Variants in CPED1 observed in about 807,000 individuals in gnomAD.
CPED1 encodes the protein cadherin-like and PC-esterase domain-containing protein 1.
Under a neutral mutation model 128.2 loss-of-function variants are expected in CPED1, and 114 were observed. That is an observed-to-expected ratio of 0.89 (90% CI 0.76 to 1.04). The LOEUF is 1.04. CPED1 is among the 50% of genes least tolerant of loss of function. The probability of loss-of-function intolerance (pLI) is 0.00; values close to 1 mark genes in which losing one functional copy is unlikely to be tolerated. For synonymous variants in CPED1, 462 were observed against 426.7 expected, an observed-to-expected ratio of 1.08 and a Z score of -1.02; for missense variants, 1,211 against 1,207.1, an observed-to-expected ratio of 1.00 and a Z score of -0.05.
intron 16 of CPED1, among the ~76,000 whole-genome samples, chr7:121,161,822 C>A (rs533583025): frequency 1.3e-5 from 2 of 152,170 alleles, no homozygotes; most frequent in East Asian, 1.9e-4. Context: ...TGAAGGGAAC[C>A]AGATCCATTA....
At chr7:121,145,148 T>C (rs1795995379) in intron 16 of CPED1, among the ~76,000 whole-genome samples, 1 of 151,902 alleles carries the variant, frequency 6.6e-6, no homozygotes, top group Middle Eastern at 3.2e-3. Flanking sequence ...TGTATATATA[T>C]ATATAAATTA....
At chr7:121,282,646 C>T (rs535942938) in intron 22 of CPED1, among the ~76,000 whole-genome samples, 74 of 152,322 alleles carry the variant, frequency 4.9e-4, no homozygotes, top group Non-Finnish European at 7.3e-4. Context: ...CTGAATTTTA[C>T]ACATACGTTC....
intron 16 of CPED1, among the ~76,000 whole-genome samples, chr7:121,190,105 TAAAC>T (rs1797101471): frequency 1.3e-5 from 2 of 151,726 alleles, no homozygotes; most frequent in South Asian, 2.1e-4. Context: ...GAAGAAAAAT[TAAAC>T]AAGATAAAAA....
intron 5 of CPED1, among the ~76,000 whole-genome samples, chr7:121,069,936 G>A (rs566078026): frequency 7.9e-5 from 12 of 152,086 alleles, no homozygotes; most frequent in African/African-American, 2.6e-4. Context: ...ATTCATTCCA[G>A]TAGTTTTATC....
intron 1 of CPED1, 90 bp from the exon 2 acceptor site, chr7:120,989,301 G>GCATT (rs1796270625): frequency 3.4e-5 from 11 of 321,334 alleles, no homozygotes; most frequent in South Asian, 3.4e-4. Context: ...TGAGAATAAG[G>GCATT]CATTGCTGGA....
chr7:121,069,186 A>G (rs577571381), intron 5 of CPED1, among the ~76,000 whole-genome samples: 14 of 152,124 alleles, frequency 9.2e-5, no homozygotes, highest in Non-Finnish European at 1.8e-4. Flanking sequence ...AATATTAAAG[A>G]TAGATAGAGC....
intron 7 of CPED1, among the ~76,000 whole-genome samples, chr7:121,121,775 G>A (rs1021415014): frequency 2.0e-5 from 3 of 152,142 alleles, no homozygotes; most frequent in African/African-American, 7.2e-5. Flanking sequence ...GGTTCTGGTG[G>A]CATTTGAATG....
At chr7:121,259,992 C>T (rs1791972843) in intron 18 of CPED1, among the ~76,000 whole-genome samples, 1 of 151,906 alleles carries the variant, frequency 6.6e-6, no homozygotes. Flanking sequence ...ATGTGAATTC[C>T]ATTATGGTTA....
intron 4 of CPED1, among the ~76,000 whole-genome samples, chr7:121,056,881 C>G (rs1425369998): frequency 6.6e-6 from 1 of 152,202 alleles, no homozygotes; most frequent in East Asian, 1.9e-4. Flanking sequence ...ATATAGGCTA[C>G]TCAAAACCTT....
At chr7:121,146,181 G>T (rs1796020846) in intron 16 of CPED1, among the ~76,000 whole-genome samples, 1 of 152,102 alleles carries the variant, frequency 6.6e-6, no homozygotes, top group Non-Finnish European at 1.5e-5. Context: ...GTCTGGTGAG[G>T]TTCTTCGTGC....
intron 5 of CPED1, among the ~76,000 whole-genome samples, chr7:121,085,889 C>T (rs189483550): frequency 6.6e-6 from 1 of 152,086 alleles, no homozygotes; most frequent in Admixed American, 6.5e-5. Flanking sequence ...AACAATGTCC[C>T]GACTGAGCCT....
At chr7:121,172,088 T>C (rs1273146865) in intron 16 of CPED1, among the ~76,000 whole-genome samples, 5 of 152,148 alleles carry the variant, frequency 3.3e-5, no homozygotes, top group Admixed American at 1.3e-4. Flanking sequence ...AAACAACTTG[T>C]GAAGGTCAAA....
At chr7:121,010,884 G>A (rs1171302353) in intron 2 of CPED1, among the ~76,000 whole-genome samples, 1 of 152,170 alleles carries the variant, frequency 6.6e-6, no homozygotes, top group African/African-American at 2.4e-5. Flanking sequence ...TATAACATAA[G>A]TTTTAAATAG....
At chr7:121,126,838 G>C (rs903583485) in intron 9 of CPED1, among the ~76,000 whole-genome samples, 9 of 151,970 alleles carry the variant, frequency 5.9e-5, no homozygotes, top group Non-Finnish European at 1.2e-4. Context: ...CAGCTATAAA[G>C]GGTATCGAGA....
At chr7:121,267,505 A>G (rs1792151433) in intron 21 of CPED1, among the ~76,000 whole-genome samples, 1 of 152,092 alleles carries the variant, frequency 6.6e-6, no homozygotes, top group Non-Finnish European at 1.5e-5. Flanking sequence ...TGTCAGGTTC[A>G]TGCTGAATCC....
chr7:121,010,133 A>G (rs1201830424), intron 2 of CPED1, among the ~76,000 whole-genome samples: 1 of 152,186 alleles, frequency 6.6e-6, no homozygotes, highest in African/African-American at 2.4e-5. Flanking sequence ...ATAGTTATAC[A>G]TTGTGAAGTG....
At chr7:121,105,739 C>T (rs1335753392) in intron 7 of CPED1, among the ~76,000 whole-genome samples, 1 of 151,948 alleles carries the variant, frequency 6.6e-6, no homozygotes, top group African/African-American at 2.4e-5. Context: ...AGTAATCAGC[C>T]CACATTGATG....
intron 16 of CPED1, among the ~76,000 whole-genome samples, chr7:121,231,875 A>G (rs934676811): frequency 1.3e-5 from 2 of 152,156 alleles, no homozygotes; most frequent in African/African-American, 4.8e-5. Context: ...TGAATGAAAT[A>G]TTCTAGCATT....
chr7:121,215,069 A>G (rs1797729949), intron 16 of CPED1, among the ~76,000 whole-genome samples: 1 of 152,022 alleles, frequency 6.6e-6, no homozygotes, highest in Non-Finnish European at 1.5e-5. Context: ...TTTTGTGTGC[A>G]TGTAGACTGC....
Sources: gnomAD v4.1 joint callset for allele counts (sites outside exome capture counted in the v4.1 genomes callset) on GRCh38, gnomAD v4.1.1 for gene constraint, MANE v1.5 for transcripts, NCBI Gene and HGNC (gene_info 2026-07-23, HGNC 2026-07-21) for gene names.